Variants in TRAK1 observed in about 807,000 individuals in gnomAD.
TRAK1 encodes trafficking kinesin protein 1.
A neutral mutation model predicts 92.1 loss-of-function variants in TRAK1; 33 were observed. The ratio of observed to expected loss-of-function variants is 0.36; its 90% CI spans 0.27 to 0.48. The LOEUF is 0.48. TRAK1 is among the 20% of genes least tolerant of loss of function. The pLI, the probability that TRAK1 is intolerant of heterozygous loss-of-function variation, is 0.99. For missense variants in TRAK1, 1,123 were observed against 1,257.9 expected, an observed-to-expected ratio of 0.89 and a Z score of 1.62; for synonymous variants, 521 against 517.3, an observed-to-expected ratio of 1.01 and a Z score of -0.10.
At chr3:42,190,435 A>G (rs985086015) in intron 6 of TRAK1, among the ~76,000 whole-genome samples, 2 of 152,106 alleles carry the variant, frequency 1.3e-5, no homozygotes, top group African/African-American at 2.4e-5. Context: ...TTGTTCACTG[A>G]TGGGTCATGT....
chr3:42,088,843 G>A (rs1417719350), upstream of TRAK1, among the ~76,000 whole-genome samples: 1 of 152,162 alleles, frequency 6.6e-6, no homozygotes, highest in Non-Finnish European at 1.5e-5. Flanking sequence ...CCCAAGCCTG[G>A]GAACGTTGAA....
In TRAK1 at chr3:42,222,974, G is replaced by A. The variant is rs776816623; in HGVS notation, c.2099G>A (p.Ser700Asn). 2 of 1,613,852 alleles carry A rather than the reference G, an allele frequency of 1.2e-6. No homozygotes were observed. The highest frequency in any genetic ancestry group is 1.3e-5 in the African/African-American group (1 of 74,928). ...TCAGCCCCAACTCCAGCTTGTGGCA[G>A]CACCAGCCACTTGAAATCCACGCCG... The part of the protein sequence containing the change: ...LNSAPTPACG[S>N]TSHLKSTPVA... The change falls in exon 16 of 16, where the codon AGC becomes AAC. Residue 700 changes from serine (S) to asparagine (N), a missense_variant. Transcript: ENST00000327628.
intron 14 of TRAK1, chr3:42,210,344 C>T: frequency 6.8e-7 from 1 of 1,463,810 alleles, no homozygotes; most frequent in South Asian, 1.6e-5. Flanking sequence ...AGCTCCCCTG[C>T]CCATCTTGGA....
chr3:42,201,923 CA>C (rs1707678849), intron 12 of TRAK1, among the ~76,000 whole-genome samples: 2 of 151,008 alleles, frequency 1.3e-5, no homozygotes, highest in African/African-American at 2.4e-5. Flanking sequence ...CACACACACA[CA>C]CACACACCAT....
intron 1 of TRAK1, among the ~76,000 whole-genome samples, chr3:42,028,719 TAGTC>T (rs1249711116): frequency 2.0e-5 from 3 of 152,226 alleles, no homozygotes; most frequent in East Asian, 1.9e-4. Flanking sequence ...AGCCAGGAGA[TAGTC>T]AGGGGACGGC....
intron 1 of TRAK1, among the ~76,000 whole-genome samples, chr3:42,019,229 C>G (rs1477225269): frequency 6.6e-6 from 1 of 152,052 alleles, no homozygotes; most frequent in Admixed American, 6.5e-5. Flanking sequence ...TATACAGAAC[C>G]ACGGGATTTT....
chr3:42,038,808 T>G (rs1018735496), intron 1 of TRAK1, among the ~76,000 whole-genome samples: 11 of 143,660 alleles, frequency 7.7e-5, no homozygotes, highest in Admixed American at 1.4e-4. Flanking sequence ...AAAAAGTTTT[T>G]TTTTTTTTTT....
intron 3 of TRAK1, among the ~76,000 whole-genome samples, chr3:42,183,736 G>C (rs1460283780): frequency 6.6e-6 from 1 of 152,058 alleles, no homozygotes; most frequent in Non-Finnish European, 1.5e-5. Flanking sequence ...TTTCAAACCA[G>C]ATGAGCAGAG....
chr3:42,146,385 C>A (rs1361049230), intron 2 of TRAK1: 3 of 244,530 alleles, frequency 1.2e-5, no homozygotes, highest in African/African-American at 6.9e-5. Flanking sequence ...TTCATAGACA[C>A]CATTGTCTCA....
intron 10 of TRAK1, among the ~76,000 whole-genome samples, chr3:42,195,609 C>G (rs1706496027): frequency 6.6e-6 from 1 of 152,018 alleles, no homozygotes; most frequent in South Asian, 2.1e-4. Context: ...ATCCCCCACT[C>G]CTTGTTGTCT....
At chr3:42,097,553 G>T (rs1270650427) in intron 1 of TRAK1, among the ~76,000 whole-genome samples, 1 of 152,104 alleles carries the variant, frequency 6.6e-6, no homozygotes, top group Non-Finnish European at 1.5e-5. Context: ...TTTCCTGGAG[G>T]AATTTTTATT....
upstream of TRAK1, among the ~76,000 whole-genome samples, chr3:42,084,552 G>A (rs987141657): frequency 2.0e-5 from 3 of 152,222 alleles, no homozygotes; most frequent in African/African-American, 7.2e-5. Context: ...GCATGGAGAA[G>A]CCCCCTTGGG....
chr3:42,127,520 C>T (rs9681496), intron 2 of TRAK1, among the ~76,000 whole-genome samples: 4,414 of 151,934 alleles, frequency 0.029, 230 homozygotes, highest in African/African-American at 0.1. Flanking sequence ...CCACCACGCT[C>T]AGCTAATTTT....
chr3:42,190,587 G>A lies in TRAK1; in HGVS notation c.691-971G>A, dbSNP rs1016740365. Among the ~76,000 whole-genome samples the A allele has an allele frequency of 4.6e-5, 7 of 152,032 alleles. No homozygotes were observed. The East Asian group carries it at 1.2e-3, about 25-fold the overall frequency. ...CCAGGTAAATGCTCCAGCCCCGGGC[G>A]CCCAGCAACTCACCCAAAGCTAGCT... is the stretch of plus-strand genomic sequence containing the variant. On this transcript the variant is annotated intron_variant, in intron 6 of 15. Transcript: ENST00000327628.
intron 2 of TRAK1, among the ~76,000 whole-genome samples, chr3:42,161,065 A>G (rs1409465633): frequency 6.6e-6 from 1 of 152,248 alleles, no homozygotes; most frequent in East Asian, 1.9e-4. Flanking sequence ...TTTAAATCTT[A>G]GAAATATTTC....
At chr3:42,066,388 C>T (rs896694266) in intron 1 of TRAK1, among the ~76,000 whole-genome samples, 3 of 152,136 alleles carry the variant, frequency 2.0e-5, no homozygotes, top group South Asian at 2.1e-4. Context: ...CCCCTAAGTC[C>T]ATGGAGGGAT....
intron 2 of TRAK1, among the ~76,000 whole-genome samples, chr3:42,168,076 A>G (rs1297895482): frequency 6.6e-6 from 1 of 152,204 alleles, no homozygotes; most frequent in Non-Finnish European, 1.5e-5. Flanking sequence ...AAAGAGTTCA[A>G]AGTCAAATTC....
At chr3:42,139,861 G>A (rs1414543368) in intron 2 of TRAK1, among the ~76,000 whole-genome samples, 1 of 152,158 alleles carries the variant, frequency 6.6e-6, no homozygotes, top group African/African-American at 2.4e-5. Context: ...GTTCAGCTGA[G>A]TTTTGGCGTG....
At chr3:42,090,661 C>A (rs1704973882), upstream of TRAK1, among the ~76,000 whole-genome samples, 1 of 152,100 alleles carries the variant, frequency 6.6e-6, no homozygotes, top group East Asian at 1.9e-4. Context: ...CTAGCCTTGG[C>A]GACAGAGTGA....
Sources: allele counts gnomAD v4.1 joint callset (sites outside exome capture counted in the v4.1 genomes callset), GRCh38; gene constraint gnomAD v4.1.1; transcripts MANE v1.5; gene names NCBI Gene and HGNC (gene_info 2026-07-23, HGNC 2026-07-21).